The following BMPR1B variants were observed in gnomAD, a reference collection of about 807,000 sequenced individuals.
BMPR1B encodes bone morphogenetic protein receptor type 1B, also known as bone morphogenetic protein receptor type-1B.
A neutral mutation model predicts 59.1 loss-of-function variants in BMPR1B; 12 were observed. The observed-to-expected ratio is 0.20, with a 90% CI of 0.13 to 0.33. The LOEUF is 0.33. Among genes scored for constraint, BMPR1B ranks in the 10% least tolerant of loss-of-function variants. BMPR1B has a pLI of 1.00. For missense variants in BMPR1B, 550 were observed against 610.9 expected, an observed-to-expected ratio of 0.90 and a Z score of 1.05; for synonymous variants, 237 against 207.3, an observed-to-expected ratio of 1.14 and a Z score of -1.23.
At chr4:94,868,759 A>G (rs115581017) in intron 1 of BMPR1B, among the ~76,000 whole-genome samples, 344 of 152,318 alleles carry the variant, frequency 2.3e-3, no homozygotes, top group African/African-American at 7.7e-3. Context: ...AATGCATTTG[A>G]CTTATTATTA....
In BMPR1B at chr4:94,867,582, C is replaced by T. The variant is rs938943453; in HGVS notation, c.-182-8249C>T. 3.9e-5 allele frequency among the ~76,000 whole-genome samples: 6 copies of T among 152,248 alleles called. No homozygotes were observed. The East Asian group carries it at 7.7e-4, about 20-fold the overall frequency. ...AATAGCCTTAGTTTAGTTTCCCTGC[C>T]TGTCTCTCTAATTTTGATTCTCTCT... On this transcript the variant is annotated intron_variant, in intron 1 of 12. Transcript: ENST00000515059.
At chr4:94,845,207 A>G (rs931302852) in intron 1 of BMPR1B, among the ~76,000 whole-genome samples, 1 of 152,200 alleles carries the variant, frequency 6.6e-6, no homozygotes, top group African/African-American at 2.4e-5. Flanking sequence ...AGAAAGTTAT[A>G]TAAGGGACTA....
chr4:94,909,813 T>C (rs1728205158), intron 2 of BMPR1B, among the ~76,000 whole-genome samples: 1 of 152,050 alleles, frequency 6.6e-6, no homozygotes, highest in South Asian at 2.1e-4. Flanking sequence ...CACGGATGAA[T>C]GGCTGGAGAT....
intron 3 of BMPR1B, among the ~76,000 whole-genome samples, chr4:95,077,645 G>A (rs1728814561): frequency 6.6e-6 from 1 of 151,944 alleles, no homozygotes; most frequent in South Asian, 2.1e-4. Flanking sequence ...ATTAAAAGAT[G>A]GTAAATTAGA....
intron 3 of BMPR1B, among the ~76,000 whole-genome samples, chr4:95,048,373 T>C (rs1212402317): frequency 6.6e-6 from 1 of 152,186 alleles, no homozygotes; most frequent in Non-Finnish European, 1.5e-5. Context: ...TTGAGAAATC[T>C]CCAAACTGCT....
intron 3 of BMPR1B, among the ~76,000 whole-genome samples, chr4:95,020,044 A>G (rs1723860990): frequency 6.6e-6 from 1 of 152,288 alleles, no homozygotes; most frequent in Non-Finnish European, 1.5e-5. Flanking sequence ...AAGTTTGATT[A>G]TATTTGTACC....
chr4:94,942,205 T>G (rs1729544986), intron 2 of BMPR1B, among the ~76,000 whole-genome samples: 1 of 152,240 alleles, frequency 6.6e-6, no homozygotes, highest in Non-Finnish European at 1.5e-5. Context: ...AGAATAATTT[T>G]ATTTGCCCTG....
At chr4:95,147,651 C>G (rs2149324263) in intron 10 of BMPR1B, among the ~76,000 whole-genome samples, 1 of 152,250 alleles carries the variant, frequency 6.6e-6, no homozygotes, top group African/African-American at 2.4e-5. Flanking sequence ...TAATGAGTTT[C>G]TGTACCTTTT....
At chr4:95,054,147 A>G (rs1726746698) in intron 3 of BMPR1B, among the ~76,000 whole-genome samples, 1 of 152,208 alleles carries the variant, frequency 6.6e-6, no homozygotes, top group African/African-American at 2.4e-5. Flanking sequence ...GCATAAAAAT[A>G]TTTTGTTAAA....
At chr4:95,005,373 T>G (rs1022679078) in intron 3 of BMPR1B, among the ~76,000 whole-genome samples, 1 of 152,044 alleles carries the variant, frequency 6.6e-6, no homozygotes, top group African/African-American at 2.4e-5. Context: ...AATACTGGTT[T>G]AGAAATACCA....
intron 1 of BMPR1B, among the ~76,000 whole-genome samples, chr4:94,796,724 G>C (rs1723209443): frequency 2.0e-5 from 3 of 152,136 alleles, no homozygotes; most frequent in Admixed American, 2.0e-4. Flanking sequence ...TGTCTTTGCT[G>C]AGCTTCCTCA....
chr4:94,987,269 A>AT (rs1211283058), intron 2 of BMPR1B, among the ~76,000 whole-genome samples: 2 of 146,642 alleles, frequency 1.4e-5, no homozygotes, highest in East Asian at 1.9e-4. Context: ...TATATTATAT[A>AT]TACATATATA....
intron 1 of BMPR1B, among the ~76,000 whole-genome samples, chr4:94,776,992 A>AT (rs1307253091): frequency 6.6e-6 from 1 of 152,054 alleles, no homozygotes; most frequent in Non-Finnish European, 1.5e-5. Flanking sequence ...TGATTTATGA[A>AT]TTTTTCCTTA....
chr4:95,123,350 T>G (rs1372723913), intron 6 of BMPR1B, among the ~76,000 whole-genome samples: 1 of 152,166 alleles, frequency 6.6e-6, no homozygotes, highest in Non-Finnish European at 1.5e-5. Context: ...TAAGATGACT[T>G]TATATACAAC....
At chr4:94,822,082 G>A (rs768736480) in intron 1 of BMPR1B, among the ~76,000 whole-genome samples, 1 of 152,244 alleles carries the variant, frequency 6.6e-6, no homozygotes, top group Non-Finnish European at 1.5e-5. Flanking sequence ...GCAGAGAGAA[G>A]TCTGAGATCA....
intron 1 of BMPR1B, among the ~76,000 whole-genome samples, chr4:94,790,039 A>G (rs1410173698): frequency 6.6e-6 from 1 of 151,986 alleles, no homozygotes; most frequent in African/African-American, 2.4e-5. Context: ...TCTTAATAAC[A>G]TTTTCTTTTC....
At chr4:94,817,107 G>C (rs1287425133) in intron 1 of BMPR1B, among the ~76,000 whole-genome samples, 5 of 152,098 alleles carry the variant, frequency 3.3e-5, no homozygotes, top group African/African-American at 1.2e-4. Context: ...CAGAAACAAG[G>C]CTCCATCTTG....
chr4:94,991,130 G>A (rs1252790475), intron 2 of BMPR1B, among the ~76,000 whole-genome samples: 1 of 151,820 alleles, frequency 6.6e-6, no homozygotes, highest in Non-Finnish European at 1.5e-5. Flanking sequence ...CGACATTGTT[G>A]ACCCCTCAGT....
intron 1 of BMPR1B, among the ~76,000 whole-genome samples, chr4:94,841,839 A>G (rs1725098051): frequency 6.6e-6 from 1 of 152,242 alleles, no homozygotes; most frequent in African/African-American, 2.4e-5. Context: ...AAATGAAAAT[A>G]TCTGTGAATA....
Sources: gnomAD v4.1 joint callset for allele counts (sites outside exome capture counted in the v4.1 genomes callset) on GRCh38, gnomAD v4.1.1 for gene constraint, MANE v1.5 for transcripts, NCBI Gene and HGNC (gene_info 2026-07-23, HGNC 2026-07-21) for gene names.